Variants in DCC observed in about 807,000 individuals in gnomAD.
The protein encoded by DCC is DCC netrin 1 receptor, also known as netrin receptor DCC.
A neutral mutation model predicts 172.5 loss-of-function variants in DCC; 58 were observed. The observed-to-expected ratio is 0.34, with a 90% CI of 0.27 to 0.42. DCC has a LOEUF of 0.42. DCC is among the 10% of genes least tolerant of loss of function. DCC has a pLI of 1.00. For synonymous variants in DCC, 709 were observed against 644.5 expected (o/e 1.10, Z -1.52); for missense variants, 1,740 against 1,791.0 (o/e 0.97, Z 0.51).
At chr18:53,213,058 C>T (rs1042066094) in intron 11 of DCC, among the ~76,000 whole-genome samples, 2 of 152,122 alleles carry the variant, frequency 1.3e-5, no homozygotes, top group African/African-American at 2.4e-5. Flanking sequence ...TATATCTATC[C>T]TCTTAAAGTT....
In DCC at chr18:52,578,989, A is replaced by G. The variant is rs929490112; in HGVS notation, c.92-173065A>G. ...AGTGAGACTCCGTCTGGAAAAACAA[A>G]AAATAGAAAAGAAATCAGGTTGTTA... On this transcript the variant is annotated intron_variant, in intron 1 of 28. Transcript: ENST00000442544. 7.9e-5 allele frequency among the ~76,000 whole-genome samples: 12 copies of G among 152,312 alleles called. No homozygotes were observed. In the South Asian group the frequency reaches 8.3e-4, roughly 11 times the overall value.
At chr18:53,341,057 T>C (rs1238929802) in intron 15 of DCC, among the ~76,000 whole-genome samples, 1 of 152,220 alleles carries the variant, frequency 6.6e-6, no homozygotes, top group Non-Finnish European at 1.5e-5. Context: ...GCTTGGCGTT[T>C]AGAAATAATA....
chr18:52,541,136 A>G (rs1363072748), intron 1 of DCC, among the ~76,000 whole-genome samples: 1 of 152,162 alleles, frequency 6.6e-6, no homozygotes, highest in Non-Finnish European at 1.5e-5. Flanking sequence ...ATTTCACGTG[A>G]CATACCCAGA....
intron 9 of DCC, among the ~76,000 whole-genome samples, chr18:53,189,053 A>G (rs2055328738): frequency 6.6e-6 from 1 of 152,186 alleles, no homozygotes; most frequent in Non-Finnish European, 1.5e-5. Flanking sequence ...AACCCGATAT[A>G]CTGCCCTGTG....
rs535008814 is a variant in DCC, at chr18:52,351,463, A to T, written c.91+10585A>T. The stretch of plus-strand genomic sequence containing the variant: ...TTATTAGATGTGAATTTATGAACCT[A>T]TCTATCCTATATGTTTAGAGATACA... On this transcript the variant is annotated intron_variant, in intron 1 of 28. Coordinates refer to ENST00000442544, the MANE Select transcript of DCC (RefSeq NM_005215.4). Among the ~76,000 whole-genome samples the T allele has an allele frequency of 3.3e-5, 5 of 152,298 alleles. No individual in the cohort carries two copies. In the East Asian group the frequency reaches 9.7e-4, roughly 29 times the overall value.
At chr18:52,801,770 T>C (rs2037991673) in intron 2 of DCC, among the ~76,000 whole-genome samples, 1 of 152,214 alleles carries the variant, frequency 6.6e-6, no homozygotes, top group African/African-American at 2.4e-5. Flanking sequence ...GTTTGTAAAA[T>C]GCTGTAATTA....
intron 7 of DCC, among the ~76,000 whole-genome samples, chr18:53,084,264 A>G (rs2042848007): frequency 6.6e-6 from 1 of 152,126 alleles, no homozygotes; most frequent in Non-Finnish European, 1.5e-5. Context: ...TACTCCTATA[A>G]TAACCCATTA....
At chr18:53,106,749 A>G (rs114784320) in intron 7 of DCC, among the ~76,000 whole-genome samples, 2,203 of 151,996 alleles carry the variant, frequency 0.014, 47 homozygotes, top group African/African-American at 0.05. Flanking sequence ...TGACTATGCC[A>G]TAGACATAGG....
At chr18:53,498,246 G>T (rs765214279) in intron 26 of DCC, among the ~76,000 whole-genome samples, 1 of 151,962 alleles carries the variant, frequency 6.6e-6, no homozygotes, top group Non-Finnish European at 1.5e-5. Flanking sequence ...TTGAGCCTCC[G>T]GGAGACTTGT....
intron 9 of DCC, among the ~76,000 whole-genome samples, chr18:53,184,594 C>G (rs1210821652): frequency 2.0e-5 from 3 of 152,068 alleles, no homozygotes; most frequent in African/African-American, 7.2e-5. Context: ...GCAATTATAA[C>G]ACAGTGGTAT....
rs565598765 is a variant in DCC, at chr18:53,401,662, C to T, written c.2828-1124C>T. Among the ~76,000 whole-genome samples the T allele has an allele frequency of 1.3e-4, 19 of 150,484 alleles. 1 individual carries two copies. Among genetic ancestry groups the T allele is most frequent in the African/African-American group, 3.6e-4 (15 of 41,218 alleles). On this transcript the variant is annotated intron_variant, in intron 18 of 28. Coordinates refer to ENST00000442544, the MANE Select transcript of DCC (RefSeq NM_005215.4). ...CTACACAGAATTTTTATGTGGAGAC[C>T]AGGAAATTACTCCAGATCCCAAACA...
chr18:52,935,968 G>C (rs1375205739), intron 5 of DCC, among the ~76,000 whole-genome samples: 1 of 151,830 alleles, frequency 6.6e-6, no homozygotes, highest in East Asian at 1.9e-4. Context: ...AATGATAATA[G>C]TCATAAAAGA....
At chr18:53,382,958 C>A (rs1403943336) in intron 15 of DCC, among the ~76,000 whole-genome samples, 5 of 152,108 alleles carry the variant, frequency 3.3e-5, no homozygotes, top group Non-Finnish European at 5.9e-5. Context: ...TAAATACACT[C>A]ATTTTTAAGG....
At chr18:53,396,304 AT>A (rs565296603) in intron 17 of DCC, among the ~76,000 whole-genome samples, 5 of 151,892 alleles carry the variant, frequency 3.3e-5, no homozygotes, top group Admixed American at 2.6e-4. Context: ...GAATAGTCCC[AT>A]TTTTTTTGCT....
At chr18:53,178,405 A>T (rs907600179) in intron 8 of DCC, among the ~76,000 whole-genome samples, 4 of 152,242 alleles carry the variant, frequency 2.6e-5, no homozygotes, top group African/African-American at 9.6e-5. Flanking sequence ...CTCTTCACGC[A>T]GGAAGGAATC....
chr18:52,575,640 T>C (rs2033391575), intron 1 of DCC, among the ~76,000 whole-genome samples: 1 of 152,152 alleles, frequency 6.6e-6, no homozygotes, highest in Non-Finnish European at 1.5e-5. Context: ...GCACTCATAG[T>C]GTGATTTTTA....
At chr18:52,656,832 G>C (rs1568278239) in intron 1 of DCC, among the ~76,000 whole-genome samples, 1 of 151,942 alleles carries the variant, frequency 6.6e-6, no homozygotes, top group African/African-American at 2.4e-5. Context: ...CTGTATCTGA[G>C]AGTGGCATTC....
chr18:52,548,725 A>G (rs1296198643), intron 1 of DCC, among the ~76,000 whole-genome samples: 1 of 152,124 alleles, frequency 6.6e-6, no homozygotes, highest in Admixed American at 6.6e-5. Context: ...GTTGGATGGC[A>G]TTTCAGCAAA....
At chr18:53,259,408 A>G (rs1351800182) in intron 12 of DCC, among the ~76,000 whole-genome samples, 5 of 151,518 alleles carry the variant, frequency 3.3e-5, no homozygotes, top group Admixed American at 6.6e-5. Flanking sequence ...CAGGCCTGGT[A>G]GTGACAAAAT....
Sources: gnomAD v4.1 joint callset for allele counts (sites outside exome capture counted in the v4.1 genomes callset) on GRCh38, gnomAD v4.1.1 for gene constraint, MANE v1.5 for transcripts, NCBI Gene and HGNC (gene_info 2026-07-23, HGNC 2026-07-21) for gene names.